Variants in TRIM44 observed in about 807,000 individuals in gnomAD.
TRIM44 encodes the protein tripartite motif-containing protein 44.
Under a neutral mutation model 37.4 loss-of-function variants are expected in TRIM44, and 13 were observed. That is an observed-to-expected ratio of 0.35 (90% confidence interval 0.23 to 0.55). The LOEUF is 0.55. TRIM44 is among the 20% of genes least tolerant of loss of function. The pLI, the probability that TRIM44 is intolerant of heterozygous loss-of-function variation, is 0.89. For missense variants in TRIM44, 426 were observed against 437.2 expected (o/e 0.97, Z 0.23); for synonymous variants, 175 against 157.2 (o/e 1.11, Z -0.85).
intron 4 of TRIM44, among the ~76,000 whole-genome samples, chr11:35,741,880 A>G (rs1184875200): frequency 6.6e-6 from 1 of 152,162 alleles, no homozygotes; most frequent in East Asian, 1.9e-4. Context: ...TAAAGATCTC[A>G]AAATCTAGTT....
Position 35,663,703 on chromosome 11 carries a change from T to A in TRIM44, c.592T>A (p.Cys198Ser). 6.2e-7 allele frequency: 1 copy of A among 1,614,198 alleles called. No individual in the cohort carries two copies. Among genetic ancestry groups the A allele is most frequent in the Non-Finnish European group, 8.5e-7 (1 of 1,180,040 alleles). ...TTGCCAGGAAGATAGGCAGCTCATC[T>A]GTGTCCTGTGTCCAGTCATTGGGGC... ...TYCQEDRQLI[C>S]VLCPVIGAHQ... is the part of the protein sequence containing the mutation. Residue 198 changes from cysteine (C) to serine (S), a missense_variant, in exon 1 of 5, where the codon TGT becomes AGT. Around this residue, in one of 2 missense-constraint regions of TRIM44, gnomAD observed 331 missense variants for 303.0 expected, o/e 1.09. Coordinates refer to ENST00000299413, the MANE Select transcript of TRIM44 (RefSeq NM_017583.6).
At chr11:35,753,068 GT>G (rs1852578517) in intron 4 of TRIM44, among the ~76,000 whole-genome samples, 1 of 152,136 alleles carries the variant, frequency 6.6e-6, no homozygotes, top group Non-Finnish European at 1.5e-5. Context: ...GAAAACCCTG[GT>G]TTGGAATAGG....
At chr11:35,735,497 T>C in intron 4 of TRIM44, 52 bp downstream of exon 4, 1 of 1,595,156 alleles carries the variant, frequency 6.3e-7, no homozygotes, top group East Asian at 2.2e-5. Flanking sequence ...AGAGTGACAT[T>C]TGTGGCCTTT....
At chr11:35,713,444 A>G (rs933190608) in intron 2 of TRIM44, among the ~76,000 whole-genome samples, 14 of 151,332 alleles carry the variant, frequency 9.3e-5, no homozygotes, top group Admixed American at 7.9e-4. Flanking sequence ...TGAGAATGGT[A>G]TTCCAATGTA....
At chr11:35,738,657 A>G (rs1852355178) in intron 4 of TRIM44, among the ~76,000 whole-genome samples, 1 of 152,222 alleles carries the variant, frequency 6.6e-6, no homozygotes, top group Non-Finnish European at 1.5e-5. Context: ...TTTCTCATTT[A>G]TGATACATAC....
intron 2 of TRIM44, among the ~76,000 whole-genome samples, chr11:35,721,840 A>G (rs1170729905): frequency 1.3e-5 from 2 of 152,206 alleles, no homozygotes; most frequent in South Asian, 2.1e-4. Flanking sequence ...TTTATTCACA[A>G]ATAGTGGCTA....
At chr11:35,760,275 C>T (rs187884121) in intron 4 of TRIM44, among the ~76,000 whole-genome samples, 1,940 of 152,296 alleles carry the variant, frequency 0.013, 46 homozygotes, top group African/African-American at 0.044. Context: ...GCTCCGTGGG[C>T]GTAGGACCCT....
intron 4 of TRIM44, among the ~76,000 whole-genome samples, chr11:35,796,667 G>A (rs1218257832): frequency 6.6e-6 from 1 of 152,128 alleles, no homozygotes; most frequent in African/African-American, 2.4e-5. Context: ...CCTCATCACA[G>A]GAGATCGCCA....
At chr11:35,675,218 A>C (rs1851447160) in intron 1 of TRIM44, among the ~76,000 whole-genome samples, 1 of 152,248 alleles carries the variant, frequency 6.6e-6, no homozygotes, top group Non-Finnish European at 1.5e-5. Flanking sequence ...GTCTAGTTCC[A>C]GGGCATTAAT....
intron 2 of TRIM44, among the ~76,000 whole-genome samples, chr11:35,705,491 A>G (rs1318910912): frequency 1.3e-5 from 2 of 152,186 alleles, no homozygotes; most frequent in Non-Finnish European, 2.9e-5. Context: ...ACCTATTCCA[A>G]AATTGACCAC....
intron 3 of TRIM44, among the ~76,000 whole-genome samples, chr11:35,734,942 C>T (rs1180791685): frequency 6.6e-6 from 1 of 152,146 alleles, no homozygotes; most frequent in Admixed American, 6.5e-5. Flanking sequence ...TTTCTTGAGT[C>T]CCAGTTCAGT....
chr11:35,685,336 A>C lies in TRIM44; in HGVS notation c.747A>C (p.Lys249Asn), dbSNP rs1851562819. The change falls in exon 2 of 5, where the codon AAA (lysine) becomes AAC (asparagine). Residue 249 changes from lysine (K) to asparagine (N), a missense_variant and splice_region_variant. By Grantham distance (94) the Lys-to-Asn change is moderately conservative. Around this residue, in one of 2 missense-constraint regions of TRIM44, gnomAD observed 95 missense variants for 134.2 expected, o/e 0.71. Transcript: ENST00000299413. Reference sequence around the variant, plus strand: ...TGAAGTTCAAGAGCTCAGACCCTAAAGTAAGTATTGTTTGGAATTGATTGG... The same window carrying C: ...TGAAGTTCAAGAGCTCAGACCCTAACGTAAGTATTGTTTGGAATTGATTGG... The part of the protein sequence containing the change: ...ERLKFKSSDP[K>N]VTRDQMKMFI... 6.2e-7 allele frequency: 1 copy of C among 1,613,896 alleles called. No individual in the cohort carries two copies. The highest frequency in any genetic ancestry group is 2.2e-5 in the East Asian group (1 of 44,890).
chr11:35,736,039 C>G (rs1852323469), intron 4 of TRIM44, among the ~76,000 whole-genome samples: 1 of 152,052 alleles, frequency 6.6e-6, no homozygotes, highest in African/African-American at 2.4e-5. Context: ...TTTACTTACC[C>G]TTCCTGTCAT....
At chr11:35,786,580 G>A (rs1351848965) in intron 4 of TRIM44, among the ~76,000 whole-genome samples, 1 of 152,136 alleles carries the variant, frequency 6.6e-6, no homozygotes, top group Non-Finnish European at 1.5e-5. Flanking sequence ...GAGTTTTGCA[G>A]CCAGTCACTC....
At chr11:35,776,612 C>T (rs569051370) in intron 4 of TRIM44, among the ~76,000 whole-genome samples, 1 of 152,258 alleles carries the variant, frequency 6.6e-6, no homozygotes, top group East Asian at 1.9e-4. Flanking sequence ...ATAAATTTCC[C>T]TCTACACACT....
intron 4 of TRIM44, among the ~76,000 whole-genome samples, chr11:35,804,231 C>T (rs571962062): frequency 1.1e-3 from 174 of 152,254 alleles, no homozygotes; most frequent in Non-Finnish European, 2.0e-3. Flanking sequence ...GAACACGTCT[C>T]TTTTAGGTTA....
chr11:35,748,935 T>G (rs1316317751), intron 4 of TRIM44, among the ~76,000 whole-genome samples: 2 of 152,224 alleles, frequency 1.3e-5, no homozygotes, highest in Non-Finnish European at 2.9e-5. Flanking sequence ...CTCATCTAAA[T>G]GATCTGTTAG....
chr11:35,778,813 A>G (rs1853014620), intron 4 of TRIM44, among the ~76,000 whole-genome samples: 1 of 152,162 alleles, frequency 6.6e-6, no homozygotes, highest in African/African-American at 2.4e-5. Context: ...TGGAAGCTTC[A>G]TCTCAGAGGG....
At chr11:35,727,790 C>G (rs1251523575) in intron 3 of TRIM44, among the ~76,000 whole-genome samples, 1 of 152,146 alleles carries the variant, frequency 6.6e-6, no homozygotes, top group Non-Finnish European at 1.5e-5. Flanking sequence ...TGTGCTTTCC[C>G]CCTACTATAA....
Sources: allele counts gnomAD v4.1 joint callset (sites outside exome capture counted in the v4.1 genomes callset), GRCh38; gene constraint gnomAD v4.1.1; regional missense constraint gnomAD v4.1.1; transcripts MANE v1.5; gene names NCBI Gene and HGNC (gene_info 2026-07-23, HGNC 2026-07-21).